The following TTC19 variants were observed in gnomAD, a reference collection of about 807,000 sequenced individuals.
The protein encoded by TTC19 is tetratricopeptide repeat protein 19, mitochondrial.
Under a neutral mutation model 49.5 loss-of-function variants are expected in TTC19, and 38 were observed. The observed-to-expected ratio is 0.77, with a 90% CI of 0.59 to 1.01. The LOEUF (loss-of-function observed/expected upper bound fraction) is 1.01, where lower values mean the gene tolerates loss of function less well. Among genes scored for constraint, TTC19 ranks in the 50% least tolerant of loss-of-function variants. TTC19 has a pLI of 0.00. For synonymous variants in TTC19, 204 were observed against 185.2 expected (o/e 1.10, Z -0.83); for missense variants, 475 against 477.7 (o/e 0.99, Z 0.05).
rs73981409 is a variant in TTC19, at chr17:16,024,864, T to C, written c.677-153T>C. On this transcript the variant is annotated intron_variant, in intron 7 of 9. Transcript: ENST00000261647. ...ACTTAAAATGTGGGCTGAAGTTCCA[T>C]GATTCCAGCTAGTCTGGAATAGGTC... 4,127 of 697,900 alleles carry C rather than the reference T, an allele frequency of 5.9e-3. 127 individuals carry two copies. In the African/African-American group the frequency reaches 0.066, roughly 11 times the overall value. 43.2% of individuals were successfully genotyped at this position (697,900 alleles called of 1,614,324 possible).
downstream of TTC19, among the ~76,000 whole-genome samples, chr17:16,033,383 A>C (rs1490928084): frequency 6.6e-6 from 1 of 151,868 alleles, no homozygotes; most frequent in Non-Finnish European, 1.5e-5. Flanking sequence ...TAACCATTTA[A>C]TCAAATAATA....
chr17:16,027,351 C>T (rs1217190405), intron 9 of TTC19, 23 bp from the exon 10 acceptor site: 2 of 1,613,486 alleles, frequency 1.2e-6, no homozygotes, highest in Admixed American at 1.7e-5. Flanking sequence ...TTCTTACTGT[C>T]CCTTCTCTCT....
chr17:16,003,270 A>C (rs1265397803), intron 4 of TTC19, among the ~76,000 whole-genome samples: 1 of 151,968 alleles, frequency 6.6e-6, no homozygotes, highest in Non-Finnish European at 1.5e-5. Context: ...TTTTTTTTTA[A>C]GATAAGGTCT....
intron 7 of TTC19, among the ~76,000 whole-genome samples, chr17:16,009,198 C>T (rs187880704): frequency 3.3e-4 from 51 of 152,340 alleles, no homozygotes; most frequent in African/African-American, 1.2e-3. Flanking sequence ...GTCTAGCTGT[C>T]AAGTAAGTCA....
chr17:16,026,671 C>T lies in TTC19; in HGVS notation c.963C>T (p.Leu321=), dbSNP rs1233893958. Residue 321 remains leucine, a synonymous_variant, in exon 9 of 10, where the codon CTC becomes CTT. Transcript: ENST00000261647. ...ATCATCCTGAGCTACACATGGTACT[C>T]AGTAATCTAGCTGCAGTTTTGATGC... is the stretch of plus-strand genomic sequence containing the variant. ...QINHPELHMV[L]SNLAAVLMHR... The T allele has an allele frequency of 6.2e-7, 1 of 1,614,098 alleles. No individual in the cohort carries two copies. Among genetic ancestry groups the T allele is most frequent in the Admixed American group, 1.7e-5 (1 of 60,022 alleles).
chr17:16,040,418 A>G (rs1157567721), intron 2 of TTC19: 2 of 1,610,132 alleles, frequency 1.2e-6, no homozygotes, highest in Non-Finnish European at 1.7e-6. Context: ...TTGTATTGGT[A>G]AATAATGTCT....
Position 16,026,662 on chromosome 17 carries a change from C to G in TTC19, c.954C>G (p.His318Gln), listed in dbSNP as rs749039449. 24 of 1,614,008 alleles carry G rather than the reference C, an allele frequency of 1.5e-5. No homozygotes were observed. The highest frequency in any genetic ancestry group is 1.9e-5 in the Non-Finnish European group (23 of 1,179,990). The change falls in exon 9 of 10, where the codon CAC becomes CAG. Residue 318 changes from histidine (H) to glutamine (Q), a missense_variant. Transcript: ENST00000261647. ...GACAGATAAATCATCCTGAGCTACA[C>G]ATGGTACTCAGTAATCTAGCTGCAG... ...LARQINHPEL[H>Q]MVLSNLAAVL...
chr17:16,031,320 T>C (rs1399581724), downstream of TTC19: 2 of 190,500 alleles, frequency 1.0e-5, 1 homozygote, highest in Admixed American at 1.2e-4. Context: ...CAATCATATA[T>C]TCAAACTAAG....
intron 5 of TTC19, 91 bp downstream of exon 5, chr17:16,003,978 T>G (rs1970819560): frequency 1.4e-6 from 2 of 1,415,324 alleles, no homozygotes; most frequent in Admixed American, 3.7e-5. Flanking sequence ...CACCACATGC[T>G]TTGGTCAGGA....
chr17:16,024,882 A>G, intron 7 of TTC19, 135 bp from the exon 8 acceptor site: 2 of 804,980 alleles, frequency 2.5e-6, no homozygotes, highest in South Asian at 2.8e-5. Context: ...GCTAGTCTGG[A>G]ATAGGTCATT....
rs1441996950 is a variant in TTC19 at position 16,027,815 on chromosome 17, T to C, written c.*293T>C. ...TGGTCTAAGTAGAACTGTAGATTCA[T>C]ATGGGCTGGTGTTCCTGTGCGCTGT... On this transcript the variant is annotated 3_prime_UTR_variant, in exon 10 of 10. Transcript: ENST00000261647. 2 of 507,404 alleles carry C rather than the reference T, an allele frequency of 3.9e-6. No individual in the cohort carries two copies. Among genetic ancestry groups the C allele is most frequent in the Middle Eastern group, 5.6e-4 (1 of 1,772 alleles). 31.4% of individuals were successfully genotyped at this position (507,404 alleles called of 1,614,324 possible).
In TTC19 at chr17:16,027,577, T is replaced by G; in HGVS notation, c.*55T>G. The G allele has an allele frequency of 1.9e-6, 3 of 1,595,330 alleles. No homozygotes were observed. The highest frequency in any genetic ancestry group is 2.6e-6 in the Non-Finnish European group (3 of 1,164,634). On this transcript the variant is annotated 3_prime_UTR_variant, in exon 10 of 10. Coordinates refer to ENST00000261647, the MANE Select transcript of TTC19 (RefSeq NM_017775.4). ...TAGTAATGTGGAAGAATAGCTATCA[T>G]TCCTGTCTCTGTGGCACCCGATCAA...
At chr17:16,038,180 G>C (rs934452270) in intron 2 of TTC19, among the ~76,000 whole-genome samples, 3 of 151,978 alleles carry the variant, frequency 2.0e-5, no homozygotes, top group African/African-American at 7.3e-5. Flanking sequence ...CAGAAATACT[G>C]CTGAACTTCA....
chr17:16,023,018 A>G (rs979497776), intron 7 of TTC19, among the ~76,000 whole-genome samples: 1 of 152,192 alleles, frequency 6.6e-6, no homozygotes, highest in Non-Finnish European at 1.5e-5. Context: ...AATATTTCAA[A>G]GAACCATGTT....
intron 7 of TTC19, among the ~76,000 whole-genome samples, chr17:16,020,274 G>A (rs570340348): frequency 2.0e-5 from 3 of 152,260 alleles, no homozygotes; most frequent in East Asian, 1.9e-4. Context: ...TTCACTATGT[G>A]TTTCTGATTA....
chr17:16,040,234 GTTCAT>G, intron 2 of TTC19: 1 of 665,642 alleles, frequency 1.5e-6, no homozygotes, highest in African/African-American at 1.8e-5. Flanking sequence ...CATTCTTTTT[GTTCAT>G]TTATCTTTTC....
At chr17:16,012,762 T>C (rs905663803) in intron 7 of TTC19, among the ~76,000 whole-genome samples, 13 of 152,116 alleles carry the variant, frequency 8.5e-5, no homozygotes, top group African/African-American at 3.1e-4. Context: ...GGTCTCGAAC[T>C]GCCGACCTCA....
intron 7 of TTC19, among the ~76,000 whole-genome samples, chr17:16,015,293 A>T (rs1971182166): frequency 6.6e-6 from 1 of 151,700 alleles, no homozygotes; most frequent in Admixed American, 6.6e-5. Flanking sequence ...TATTTCTTCC[A>T]TTTTCTTAAT....
chr17:16,030,003 A>T (rs1971791588), downstream of TTC19: 1 of 168,532 alleles, frequency 5.9e-6, no homozygotes, highest in Non-Finnish European at 1.3e-5. Flanking sequence ...CCCCCTAAGT[A>T]GTCAAAAATC....
Sources: gnomAD v4.1 joint callset for allele counts (sites outside exome capture counted in the v4.1 genomes callset) on GRCh38, gnomAD v4.1.1 for gene constraint, MANE v1.5 for transcripts, NCBI Gene and HGNC (gene_info 2026-07-23, HGNC 2026-07-21) for gene names.